The following HNF1A variants were observed in gnomAD, a reference collection of about 807,000 sequenced individuals.
The protein encoded by HNF1A is HNF1 homeobox A.
In HNF1A, 21 loss-of-function variants were observed where a neutral mutation model predicts 62.2. The ratio of observed to expected loss-of-function variants is 0.34; its 90% CI spans 0.24 to 0.49. HNF1A has a LOEUF of 0.49. HNF1A is among the 20% of genes least tolerant of loss of function. The probability of loss-of-function intolerance (pLI) is 0.99; values close to 1 mark genes in which losing one functional copy is unlikely to be tolerated. For synonymous variants in HNF1A, 374 were observed against 366.8 expected (o/e 1.02, Z -0.22); for missense variants, 687 against 832.3 (o/e 0.83, Z 2.15).
intron 1 of HNF1A, chr12:120,979,578 C>T (rs1157147679): frequency 1.8e-5 from 3 of 166,156 alleles, no homozygotes; most frequent in African/African-American, 7.2e-5. Context: ...CCTAGGGACT[C>T]ATGCGTTTAG....
At chr12:120,983,916 C>CTGTGTGTGTGTGTGTG (rs61680384) in intron 1 of HNF1A, among the ~76,000 whole-genome samples, 22,878 of 136,876 alleles carry the variant, frequency 0.17, 1,998 homozygotes, top group Admixed American at 0.22. Flanking sequence ...CTTGAAGACT[C>CTGTGTGTGTGTGTGTG]TGTGTGTGTG....
chr12:120,993,771 A>G, intron 3 of HNF1A, 65 bp downstream of exon 3: 5 of 1,510,992 alleles, frequency 3.3e-6, no homozygotes, highest in Non-Finnish European at 4.6e-6. Flanking sequence ...GGGAAGGGGA[A>G]GGTGACTCTA....
At chr12:120,995,571 C>T (rs1035905554) in intron 4 of HNF1A, among the ~76,000 whole-genome samples, 7 of 151,542 alleles carry the variant, frequency 4.6e-5, no homozygotes, top group Admixed American at 1.3e-4. Context: ...CATACTCCAC[C>T]ATTCCAGTCT....
intron 1 of HNF1A, among the ~76,000 whole-genome samples, chr12:120,980,405 G>A (rs1876193206): frequency 6.6e-6 from 1 of 152,020 alleles, no homozygotes; most frequent in Non-Finnish European, 1.5e-5. Context: ...CTTTCCCAGA[G>A]GCCTCAGGGA....
chr12:120,996,511 C>A lies in HNF1A; in HGVS notation c.1108-30C>A, dbSNP rs775805328. 6.2e-7 allele frequency: 1 copy of A among 1,613,090 alleles called. No homozygotes were observed. Among genetic ancestry groups the A allele is most frequent in the South Asian group, 1.1e-5 (1 of 91,046 alleles). On this transcript the variant is annotated intron_variant, in intron 5 of 9. Transcript: ENST00000257555. The surrounding 1 kb of genome is among the most constrained non-coding windows in gnomAD (Gnocchi z 4.5). ...GGGAGGCCCTGTGGGGACCCCGGCC[C>A]CCCGGACACAGCTTGGCTTCCCCTC...
Position 120,996,827 on chromosome 12 carries a change from C to CTCAT in HNF1A, c.1309+98_1309+101dup, listed in dbSNP as rs58371019. On this transcript the variant is annotated intron_variant, in intron 6 of 9. Coordinates refer to ENST00000257555, the MANE Select transcript of HNF1A (RefSeq NM_000545.8). The surrounding 1 kb of genome is among the most constrained non-coding windows in gnomAD (Gnocchi z 4.5). ...CCAGGAGCTGGAAGAGCCACTGGGA[C>CTCAT]TCATTCATTCATTCATACAACATGT... 210 of 1,514,010 alleles carry CTCAT rather than the reference C, an allele frequency of 1.4e-4. No homozygotes were observed. Among genetic ancestry groups the CTCAT allele is most frequent in the South Asian group, 3.1e-4 (26 of 83,174 alleles). The allele number at this position is 1,514,010 out of a possible 1,614,324, so 93.8% of individuals were successfully genotyped here. A position where few individuals can be genotyped will look rare whatever the true frequency, so the allele number is the denominator to read the frequency against.
At chr12:121,000,799 ACAACTACCTACCTCGG>A (rs1444068530) in intron 9 of HNF1A, 2 of 507,368 alleles carry the variant, frequency 3.9e-6, no homozygotes, top group African/African-American at 3.8e-5. Context: ...GCCAACACGT[ACAACTACCTACCTCGG>A]CATCTCACCG....
intron 2 of HNF1A, among the ~76,000 whole-genome samples, 175 bp downstream of exon 2, chr12:120,989,207 C>T (rs553934778): frequency 2.6e-5 from 4 of 152,178 alleles, no homozygotes; most frequent in East Asian, 1.9e-4. Flanking sequence ...CTCTGTGGGA[C>T]GGGAGTAGAC....
chr12:120,981,452 C>G (rs1013030671), intron 1 of HNF1A, among the ~76,000 whole-genome samples: 1 of 152,188 alleles, frequency 6.6e-6, no homozygotes, highest in Non-Finnish European at 1.5e-5. Context: ...GGAATAAAGT[C>G]CAAACTCCCT....
chr12:120,989,688 A>G (rs1426973437), intron 2 of HNF1A, among the ~76,000 whole-genome samples: 3 of 152,198 alleles, frequency 2.0e-5, no homozygotes, highest in Admixed American at 6.5e-5. Context: ...GCCACTATTT[A>G]TCATGCATTT....
chr12:120,979,159 G>T, intron 1 of HNF1A, 65 bp downstream of exon 1: 3 of 1,421,828 alleles, frequency 2.1e-6, no homozygotes, highest in South Asian at 1.2e-5. Flanking sequence ...AGCTCCTAAC[G>T]AGCCCCCCTT....
chr12:120,982,538 T>C (rs1593049299), intron 1 of HNF1A, among the ~76,000 whole-genome samples: 1 of 152,266 alleles, frequency 6.6e-6, no homozygotes, highest in South Asian at 2.1e-4. Context: ...TGCCCCTTTC[T>C]AGCTTGAGCA....
intron 2 of HNF1A, among the ~76,000 whole-genome samples, chr12:120,992,010 T>C (rs1876863898): frequency 6.6e-6 from 1 of 152,154 alleles, no homozygotes; most frequent in Admixed American, 6.5e-5. Context: ...ATTTTTAACT[T>C]TTAAGGAGAA....
intron 6 of HNF1A, chr12:120,997,121 A>G: frequency 2.1e-6 from 3 of 1,397,470 alleles, no homozygotes; most frequent in South Asian, 3.0e-5. Flanking sequence ...AGCCCAGTAC[A>G]TAAGATAGAT....
intron 7 of HNF1A, 54 bp downstream of exon 7, chr12:120,997,719 A>G: frequency 6.5e-7 from 1 of 1,545,472 alleles, no homozygotes; most frequent in Non-Finnish European, 8.8e-7. Flanking sequence ...TTGGCTGTCA[A>G]TGGATGCAGG....
chr12:120,994,480 C>A, intron 4 of HNF1A, 75 bp downstream of exon 4: 1 of 1,504,164 alleles, frequency 6.6e-7, no homozygotes, highest in Non-Finnish European at 9.0e-7. Flanking sequence ...TGACAGCAGT[C>A]ACCTAAACCT....
Position 120,997,531 on chromosome 12 carries a change from T to C in HNF1A, c.1367T>C (p.Leu456Pro). The change falls in exon 7 of 10, where the codon CTG becomes CCG. Residue 456 changes from leucine (L) to proline (P), a missense_variant. By Grantham distance (98) the Leu-to-Pro change is moderately conservative. Around this residue, in one of 5 missense-constraint regions of HNF1A, gnomAD observed 408 missense variants for 455.3 expected, o/e 0.90. Transcript: ENST00000257555. ...VPVINSMGSS[L>P]TTLQPVQFSQ... is the part of the protein sequence containing the mutation. Reference sequence around the variant, plus strand: ...GTCATCAACAGCATGGGCAGCAGCCTGACCACCCTGCAGCCCGTCCAGTTC... The same window carrying C: ...GTCATCAACAGCATGGGCAGCAGCCCGACCACCCTGCAGCCCGTCCAGTTC... 1 of 1,613,534 alleles carries C rather than the reference T, an allele frequency of 6.2e-7. No individual in the cohort carries two copies. Among genetic ancestry groups the C allele is most frequent in the Non-Finnish European group, 8.5e-7 (1 of 1,179,996 alleles).
At chr12:120,992,334 GCTC>G (rs1876880608) in intron 2 of HNF1A, among the ~76,000 whole-genome samples, 1 of 152,204 alleles carries the variant, frequency 6.6e-6, no homozygotes, top group African/African-American at 2.4e-5. Flanking sequence ...AAGGAAAAGA[GCTC>G]TTCTTTTCAG....
At chr12:120,983,249 G>T (rs1306655454) in intron 1 of HNF1A, among the ~76,000 whole-genome samples, 1 of 152,218 alleles carries the variant, frequency 6.6e-6, no homozygotes, top group African/African-American at 2.4e-5. Context: ...CTCCAGGGCT[G>T]CATTGTTAAG....
Sources: gnomAD v4.1 joint callset for allele counts (sites outside exome capture counted in the v4.1 genomes callset) on GRCh38, gnomAD v4.1.1 for gene constraint, gnomAD v4.1.1 regional missense constraint, Gnocchi (gnomAD v3.1) non-coding constraint, MANE v1.5 for transcripts, NCBI Gene and HGNC (gene_info 2026-07-23, HGNC 2026-07-21) for gene names.